The following CAMKMT variants were observed in gnomAD, a reference collection of about 807,000 sequenced individuals.
CAMKMT encodes calmodulin-lysine N-methyltransferase.
A neutral mutation model predicts 48.0 loss-of-function variants in CAMKMT; 53 were observed. The ratio of observed to expected loss-of-function variants is 1.10; its 90% CI spans 0.89 to 1.39. The LOEUF is 1.39. Among genes scored for constraint, CAMKMT ranks in the 40% most tolerant of loss-of-function variants. The pLI is 0.00. For missense variants in CAMKMT, 428 were observed against 402.7 expected (o/e 1.06, Z -0.54); for synonymous variants, 165 against 152.3 (o/e 1.08, Z -0.61).
intron 3 of CAMKMT, among the ~76,000 whole-genome samples, chr2:44,621,328 A>G (rs994300243): frequency 1.1e-4 from 16 of 151,364 alleles, no homozygotes; most frequent in Non-Finnish European, 1.6e-4. Context: ...TGTTACAGTT[A>G]TATTTCCAAA....
rs1443583551 is a variant in CAMKMT at position 44,618,606 on chromosome 2, A to G, written c.377-85677A>G. Among the ~76,000 whole-genome samples, 1 of 152,230 alleles carries G rather than the reference A, an allele frequency of 6.6e-6. No homozygotes were observed. Among genetic ancestry groups the G allele is most frequent in the Non-Finnish European group, 1.5e-5 (1 of 68,038 alleles). On this transcript the variant is annotated intron_variant, in intron 3 of 10. Transcript: ENST00000378494. This position sits in a 1 kb window ranked among gnomAD's most constrained non-coding sequence, Gnocchi z 4.0. The stretch of plus-strand genomic sequence containing the variant: ...TGTCTCCTGACTTCTCACTGTTGCC[A>G]TATTCAGTGGATCCTGTCAGGAGCA...
At chr2:44,599,596 T>G (rs760717111) in intron 3 of CAMKMT, among the ~76,000 whole-genome samples, 1 of 152,102 alleles carries the variant, frequency 6.6e-6, no homozygotes, top group South Asian at 2.1e-4. Context: ...AAGATCAATC[T>G]ATGTAAATTT....
chr2:44,729,723 C>CAAGAAAG (rs946836164), intron 7 of CAMKMT, among the ~76,000 whole-genome samples: 8 of 151,784 alleles, frequency 5.3e-5, no homozygotes, highest in African/African-American at 1.7e-4. Flanking sequence ...CCGCTACAGC[C>CAAGAAAG]AAGAAAGAAG....
intron 9 of CAMKMT, 111 bp downstream of exon 9, chr2:44,754,229 A>T (rs1024036291): frequency 1.2e-6 from 1 of 801,002 alleles, no homozygotes; most frequent in African/African-American, 1.7e-5. Context: ...ATACTTTAAT[A>T]CTTATTATGT....
chr2:44,706,199 A>G (rs1677549519), intron 4 of CAMKMT, 88 bp from the exon 5 acceptor site: 1 of 1,344,124 alleles, frequency 7.4e-7, no homozygotes, highest in Non-Finnish European at 1.1e-6. Flanking sequence ...CTTACTGCAG[A>G]TGGCAATTTG....
chr2:44,674,992 C>T (rs1675588991), intron 3 of CAMKMT, among the ~76,000 whole-genome samples: 1 of 151,598 alleles, frequency 6.6e-6, no homozygotes, highest in East Asian at 1.9e-4. Context: ...GGTCTTGATC[C>T]TTCTCTCTAT....
chr2:44,430,719 T>A (rs1407822260), intron 3 of CAMKMT, among the ~76,000 whole-genome samples: 2 of 152,170 alleles, frequency 1.3e-5, no homozygotes, highest in Non-Finnish European at 2.9e-5. Flanking sequence ...CTTTTTTTCC[T>A]GTGTTGGATT....
intron 3 of CAMKMT, among the ~76,000 whole-genome samples, chr2:44,627,774 A>G (rs1363484940): frequency 7.7e-6 from 1 of 129,774 alleles, no homozygotes. Context: ...CAGTGGTGCA[A>G]TCTCAGACTC....
rs1413623086 is a variant in CAMKMT, at chr2:44,670,938, C to T, written c.377-33345C>T. 2.6e-5 allele frequency among the ~76,000 whole-genome samples: 4 copies of T among 152,164 alleles called. No individual in the cohort carries two copies. The East Asian group carries it at 7.7e-4, about 29-fold the overall frequency. On this transcript the variant is annotated intron_variant, in intron 3 of 10. Coordinates refer to ENST00000378494, the MANE Select transcript of CAMKMT (RefSeq NM_024766.5). Reference sequence around the variant, plus strand: ...TCCACCTCTTCTGCTCTTGACCTATCAATTTTTGGGCCCTGGGTCACCTTA... The same window carrying T: ...TCCACCTCTTCTGCTCTTGACCTATTAATTTTTGGGCCCTGGGTCACCTTA...
intron 3 of CAMKMT, among the ~76,000 whole-genome samples, chr2:44,609,058 C>T (rs1671455742): frequency 6.6e-6 from 1 of 152,172 alleles, no homozygotes; most frequent in Non-Finnish European, 1.5e-5. Flanking sequence ...AAGAAGATTG[C>T]ACATGAAAAG....
chr2:44,420,328 A>G (rs943794593), intron 3 of CAMKMT, among the ~76,000 whole-genome samples: 1 of 152,034 alleles, frequency 6.6e-6, no homozygotes, highest in Non-Finnish European at 1.5e-5. Flanking sequence ...TCTTTCTTTA[A>G]TCTTAGAATC....
chr2:44,617,107 G>A (rs971018345), intron 3 of CAMKMT, among the ~76,000 whole-genome samples: 3 of 152,176 alleles, frequency 2.0e-5, no homozygotes, highest in African/African-American at 7.2e-5. Flanking sequence ...TTTAAACTTT[G>A]TGAAAAATAC....
chr2:44,449,541 G>T (rs1338294830), intron 3 of CAMKMT, among the ~76,000 whole-genome samples: 1 of 151,618 alleles, frequency 6.6e-6, no homozygotes, highest in Non-Finnish European at 1.5e-5. Flanking sequence ...CTCATTTCTA[G>T]ATTAACCTTT....
At chr2:44,687,468 T>G (rs529659952) in intron 3 of CAMKMT, among the ~76,000 whole-genome samples, 146 of 152,328 alleles carry the variant, frequency 9.6e-4, no homozygotes, top group African/African-American at 3.5e-3. Flanking sequence ...AAATGCATTA[T>G]TTCTCCTTTG....
chr2:44,443,031 G>A lies in CAMKMT; in HGVS notation c.376+52726G>A, dbSNP rs192884656. Among the ~76,000 whole-genome samples the A allele has an allele frequency of 3.7e-3, 569 of 152,196 alleles. 4 individuals carry two copies. Among genetic ancestry groups the A allele is most frequent in the African/African-American group, 0.013 (538 of 41,528 alleles). On this transcript the variant is annotated intron_variant, in intron 3 of 10. Transcript: ENST00000378494. ...GGCAGCACGTTCTTCTGTCCTACCT[G>A]GTAGATTTTAGAGCTTAGGAAATAC...
chr2:44,467,071 T>A (rs1457680383), intron 3 of CAMKMT, among the ~76,000 whole-genome samples: 3 of 151,934 alleles, frequency 2.0e-5, no homozygotes, highest in Non-Finnish European at 4.4e-5. Context: ...GGCAACATAG[T>A]GAGACCCTGT....
Position 44,707,447 on chromosome 2 carries a change from G to GAAA in CAMKMT, c.543_545dup (p.Lys182dup). The stretch of plus-strand genomic sequence containing the variant: ...AGAAGTTCTGTTAACTGATGGGAAT[G>GAAA]AAAAGGCCATCAGAAGTATCCTTAT... On this transcript the variant is annotated inframe_insertion, in exon 6 of 11. Transcript: ENST00000378494. 6.2e-7 allele frequency: 1 copy of GAAA among 1,612,136 alleles called. No individual in the cohort carries two copies.
intron 3 of CAMKMT, among the ~76,000 whole-genome samples, chr2:44,513,295 G>C (rs1194600726): frequency 6.6e-6 from 1 of 151,390 alleles, no homozygotes; most frequent in Non-Finnish European, 1.5e-5. Flanking sequence ...AGGGGGACTG[G>C]AACATAGGAG....
At chr2:44,487,215 G>T (rs568139770) in intron 3 of CAMKMT, among the ~76,000 whole-genome samples, 4 of 152,048 alleles carry the variant, frequency 2.6e-5, no homozygotes, top group African/African-American at 7.2e-5. Context: ...GAGTAACATT[G>T]TGCTCATCTT....
Sources: gnomAD v4.1 joint callset for allele counts (sites outside exome capture counted in the v4.1 genomes callset) on GRCh38, gnomAD v4.1.1 for gene constraint, Gnocchi (gnomAD v3.1) non-coding constraint, MANE v1.5 for transcripts, NCBI Gene and HGNC (gene_info 2026-07-23, HGNC 2026-07-21) for gene names.